CNTN5: variants seen among roughly 807,000 people sequenced by gnomAD.
CNTN5 encodes the protein contactin-5.
CNTN5 carries 77 observed loss-of-function variants against 129.1 expected under a neutral mutation model. The ratio of observed to expected loss-of-function variants is 0.60; its 90% CI spans 0.50 to 0.72. CNTN5 has a LOEUF of 0.72. CNTN5 is among the 30% of genes least tolerant of loss of function. The pLI is 0.00. For missense variants in CNTN5, 1,478 were observed against 1,328.8 expected (o/e 1.11, Z -1.75); for synonymous variants, 509 against 465.6 (o/e 1.09, Z -1.20).
chr11:99,029,224 T>TC (rs1863244097), intron 1 of CNTN5, among the ~76,000 whole-genome samples: 2 of 131,100 alleles, frequency 1.5e-5, no homozygotes, highest in South Asian at 2.1e-4. Flanking sequence ...AAATATTCTA[T>TC]TTTTTTTTTA....
At chr11:99,284,706 A>T (rs1863857965) in intron 1 of CNTN5, among the ~76,000 whole-genome samples, 1 of 150,626 alleles carries the variant, frequency 6.6e-6, no homozygotes, top group South Asian at 2.1e-4. Context: ...CTAGTAAGTT[A>T]TAGTTAGTTG....
At chr11:99,976,352 C>T (rs1347026342) in intron 8 of CNTN5, among the ~76,000 whole-genome samples, 1 of 152,216 alleles carries the variant, frequency 6.6e-6, no homozygotes, top group Non-Finnish European at 1.5e-5. Context: ...TGATGGGCCT[C>T]ATCTCAAAGC....
intron 18 of CNTN5, among the ~76,000 whole-genome samples, chr11:100,288,188 A>G (rs935063010): frequency 6.6e-6 from 1 of 152,214 alleles, no homozygotes; most frequent in African/African-American, 2.4e-5. Flanking sequence ...TGTCAACATT[A>G]GACAGATCAA....
intron 2 of CNTN5, among the ~76,000 whole-genome samples, chr11:99,347,300 T>C (rs75619568): frequency 0.016 from 2,367 of 152,282 alleles, 38 homozygotes; most frequent in African/African-American, 0.031. Context: ...AAAAAGATTA[T>C]TATTATCAAA....
At chr11:100,135,936 G>T (rs1190105563) in intron 13 of CNTN5, among the ~76,000 whole-genome samples, 1 of 151,930 alleles carries the variant, frequency 6.6e-6, no homozygotes, top group Non-Finnish European at 1.5e-5. Context: ...GTTAAGGTCT[G>T]GTTTCATTCC....
At chr11:99,120,503 C>G (rs1039464570) in intron 1 of CNTN5, 5 of 152,172 alleles carry the variant, frequency 3.3e-5, no homozygotes, top group Admixed American at 6.5e-5. Flanking sequence ...AAACGGAGGA[C>G]CACTGCATTC....
intron 2 of CNTN5, among the ~76,000 whole-genome samples, chr11:99,442,825 G>A (rs562827497): frequency 1.1e-4 from 17 of 152,298 alleles, no homozygotes; most frequent in African/African-American, 3.6e-4. Flanking sequence ...GTCTGTGAAC[G>A]AAGTGATACA....
chr11:99,344,057 G>A (rs1300026058), intron 2 of CNTN5, among the ~76,000 whole-genome samples: 2 of 152,032 alleles, frequency 1.3e-5, no homozygotes, highest in African/African-American at 2.4e-5. Flanking sequence ...CCAAACTTAC[G>A]GGAAGACAAT....
chr11:100,045,731 AAAAG>A (rs1373563744), intron 9 of CNTN5, among the ~76,000 whole-genome samples: 2 of 151,816 alleles, frequency 1.3e-5, no homozygotes, highest in African/African-American at 4.8e-5. Context: ...AAAAAAAAAA[AAAAG>A]AGTTCTGCTA....
intron 2 of CNTN5, among the ~76,000 whole-genome samples, chr11:99,342,758 C>A (rs1164327655): frequency 6.6e-6 from 1 of 150,756 alleles, no homozygotes; most frequent in African/African-American, 2.5e-5. Flanking sequence ...AGAAAGAAAG[C>A]AGATGGATAT....
intron 6 of CNTN5, among the ~76,000 whole-genome samples, chr11:99,884,070 C>A (rs902722306): frequency 6.6e-6 from 1 of 152,160 alleles, no homozygotes; most frequent in Non-Finnish European, 1.5e-5. Flanking sequence ...GGCCCCCAAA[C>A]AGAAGCACCC....
At chr11:100,265,054 A>G (rs1447254132) in intron 17 of CNTN5, among the ~76,000 whole-genome samples, 1 of 151,890 alleles carries the variant, frequency 6.6e-6, no homozygotes, top group Non-Finnish European at 1.5e-5. Context: ...GTTTGCTCAT[A>G]TCCTTTGCCC....
chr11:99,353,569 A>G (rs1938442995), intron 2 of CNTN5, among the ~76,000 whole-genome samples: 1 of 152,220 alleles, frequency 6.6e-6, no homozygotes, highest in Non-Finnish European at 1.5e-5. Context: ...GCATATATCT[A>G]GAAAAGATTG....
At chr11:99,244,548 T>C (rs1479010368) in intron 1 of CNTN5, among the ~76,000 whole-genome samples, 3 of 152,180 alleles carry the variant, frequency 2.0e-5, no homozygotes, top group African/African-American at 7.2e-5. Context: ...ACTCTTTCTA[T>C]TCTTTCTTTC....
intron 2 of CNTN5, among the ~76,000 whole-genome samples, chr11:99,386,481 C>T (rs1179474244): frequency 1.3e-5 from 2 of 152,232 alleles, no homozygotes; most frequent in African/African-American, 2.4e-5. Flanking sequence ...CATTTGTAAA[C>T]TGTCGTGACA....
intron 1 of CNTN5, among the ~76,000 whole-genome samples, chr11:99,289,449 C>T (rs988760050): frequency 1.3e-5 from 2 of 151,764 alleles, no homozygotes; most frequent in Non-Finnish European, 3.0e-5. Context: ...TAGTTACCTA[C>T]TTAATATCCT....
intron 1 of CNTN5, among the ~76,000 whole-genome samples, chr11:99,087,302 A>G (rs1033639202): frequency 4.6e-5 from 7 of 152,130 alleles, no homozygotes; most frequent in African/African-American, 1.7e-4. Context: ...CAGGTAGCAC[A>G]TGGTTCAAAA....
At chr11:100,142,207 G>A (rs1833492) in intron 13 of CNTN5, among the ~76,000 whole-genome samples, 1 of 152,204 alleles carries the variant, frequency 6.6e-6, no homozygotes, top group South Asian at 2.1e-4. Flanking sequence ...TCACTACCAG[G>A]ATTTCTGGGT....
chr11:99,652,664 A>G lies in CNTN5; in HGVS notation c.55+96395A>G, dbSNP rs144469560. On this transcript the variant is annotated intron_variant, in intron 3 of 24. Transcript: ENST00000524871. Reference sequence around the variant, plus strand: ...TTTGATCAGAACTTACACATAATTTATATAACTTAGTCCATTTTGTACAAC... The same window carrying G: ...TTTGATCAGAACTTACACATAATTTGTATAACTTAGTCCATTTTGTACAAC... Among the ~76,000 whole-genome samples the G allele has an allele frequency of 2.3e-3, 344 of 152,222 alleles. 1 individual carries two copies. Among genetic ancestry groups the G allele is most frequent in the African/African-American group, 7.5e-3 (312 of 41,556 alleles).
Sources: gnomAD v4.1 joint callset for allele counts (sites outside exome capture counted in the v4.1 genomes callset) on GRCh38, gnomAD v4.1.1 for gene constraint, MANE v1.5 for transcripts, NCBI Gene and HGNC (gene_info 2026-07-23, HGNC 2026-07-21) for gene names.